The following TSPAN9 variants were observed in gnomAD, a reference collection of about 807,000 sequenced individuals.
The protein encoded by TSPAN9 is tetraspanin-9.
TSPAN9 carries 16 observed loss-of-function variants against 31.0 expected under a neutral mutation model. The ratio of observed to expected loss-of-function variants is 0.52; its 90% CI spans 0.35 to 0.78. The LOEUF is 0.78. Ranked by LOEUF, TSPAN9 falls within the 30% of genes least tolerant of loss-of-function variation. TSPAN9 has a pLI of 0.01. For synonymous variants in TSPAN9, 145 were observed against 121.6 expected (o/e 1.19, Z -1.27); for missense variants, 272 against 312.5 (o/e 0.87, Z 0.98).
At position 3,284,435 on chromosome 12, in the gene TSPAN9, G is replaced by A. The variant is rs1209036095; in HGVS notation, c.*1319G>A. The A allele has an allele frequency of 1.3e-5, 2 of 152,404 alleles. No homozygotes were observed. The highest frequency in any genetic ancestry group is 2.9e-5 in the Non-Finnish European group (2 of 68,068). 9.4% of individuals were successfully genotyped at this position (152,404 alleles called of 1,614,324 possible). A position where few individuals can be genotyped will look rare whatever the true frequency, so the allele number is the denominator to read the frequency against. Reference sequence around the variant, plus strand: ...CAAGATCTTCGCCTCCTTCCCTGGGGCCACGGACATCAGCAGTGGGTTGGG... The same window carrying A: ...CAAGATCTTCGCCTCCTTCCCTGGGACCACGGACATCAGCAGTGGGTTGGG... On this transcript the variant is annotated 3_prime_UTR_variant, in exon 9 of 9. Coordinates refer to ENST00000011898, the MANE Select transcript of TSPAN9 (RefSeq NM_006675.5).
Position 3,107,960 on chromosome 12 carries a change from A to T in TSPAN9, c.-18+24241A>T, listed in dbSNP as rs188391118. 2.5e-4 allele frequency among the ~76,000 whole-genome samples: 38 copies of T among 152,284 alleles called. No individual in the cohort carries two copies. The East Asian group carries it at 4.2e-3, about 17-fold the overall frequency. The stretch of plus-strand genomic sequence containing the variant: ...TTTCAACTCTATTCCTAAACCCAGT[A>T]AGAAACTCCCCAAAACCTCCATACC... On this transcript the variant is annotated intron_variant, in intron 2 of 8. Coordinates refer to ENST00000011898, the MANE Select transcript of TSPAN9 (RefSeq NM_006675.5). This position sits in a 1 kb window ranked among gnomAD's most constrained non-coding sequence, Gnocchi z 4.1.
intron 2 of TSPAN9, among the ~76,000 whole-genome samples, chr12:3,129,074 C>T (rs901995259): frequency 4.6e-5 from 7 of 152,220 alleles, no homozygotes; most frequent in African/African-American, 1.7e-4. Flanking sequence ...CAAGGTTCAT[C>T]CATGCTGTAG....
intron 2 of TSPAN9, among the ~76,000 whole-genome samples, chr12:3,116,124 A>G (rs1170169293): frequency 6.1e-4 from 93 of 152,188 alleles, no homozygotes; most frequent in Non-Finnish European, 1.8e-4. Flanking sequence ...GCATTCTGGG[A>G]AAACAACTTG....
At chr12:3,099,439 G>C (rs148929546) in intron 2 of TSPAN9, among the ~76,000 whole-genome samples, 1 of 152,042 alleles carries the variant, frequency 6.6e-6, no homozygotes, top group African/African-American at 2.4e-5. Context: ...GCTTTGGAGC[G>C]TACTTACAAT....
At chr12:3,135,708 G>A (rs1405065145) in intron 2 of TSPAN9, among the ~76,000 whole-genome samples, 1 of 152,090 alleles carries the variant, frequency 6.6e-6, no homozygotes, top group African/African-American at 2.4e-5. Flanking sequence ...AAGCCCTTTG[G>A]TCTGGGTGGA....
intron 3 of TSPAN9, among the ~76,000 whole-genome samples, chr12:3,207,875 C>T (rs777825347): frequency 1.1e-4 from 16 of 152,284 alleles, no homozygotes; most frequent in South Asian, 2.1e-4. Flanking sequence ...AGTGGATGTT[C>T]GCATCAGCCA....
At chr12:3,081,830 G>GTATATA (rs755307321) in intron 1 of TSPAN9, among the ~76,000 whole-genome samples, 1 of 38,294 alleles carries the variant, frequency 2.6e-5, no homozygotes, top group Non-Finnish European at 4.3e-5. Flanking sequence ...GTGTGTGTGT[G>GTATATA]TGTGTCTGTG....
chr12:3,084,595 A>G (rs1464696076), intron 2 of TSPAN9, among the ~76,000 whole-genome samples: 1 of 152,190 alleles, frequency 6.6e-6, no homozygotes, highest in Non-Finnish European at 1.5e-5. Flanking sequence ...TGCACGTTAT[A>G]CTTAGGATGC....
chr12:3,155,438 G>C (rs2098341740), intron 2 of TSPAN9, among the ~76,000 whole-genome samples: 1 of 152,116 alleles, frequency 6.6e-6, no homozygotes, highest in Non-Finnish European at 1.5e-5. Context: ...TGTTAGAAGA[G>C]ACCATATCTT....
chr12:3,258,340 A>G (rs74054945), intron 3 of TSPAN9, among the ~76,000 whole-genome samples: 9,494 of 152,212 alleles, frequency 0.062, 713 homozygotes, highest in African/African-American at 0.17. Flanking sequence ...CTGTGGGTCT[A>G]AGACATGTCC....
chr12:3,189,008 C>T (rs556164141), intron 2 of TSPAN9, among the ~76,000 whole-genome samples: 6 of 152,250 alleles, frequency 3.9e-5, no homozygotes, highest in South Asian at 2.1e-4. Context: ...CAGAGGAGCG[C>T]GGGTGAGCTC....
chr12:3,278,389 C>T (rs651243), intron 3 of TSPAN9, 32 bp from the exon 4 acceptor site: 632,577 of 1,610,184 alleles, frequency 0.39, 125,814 homozygotes, highest in Middle Eastern at 0.53. Flanking sequence ...GTGAGAGCAG[C>T]GCCAGGCTAA....
At chr12:3,244,406 C>T (rs2098398246) in intron 3 of TSPAN9, among the ~76,000 whole-genome samples, 1 of 152,236 alleles carries the variant, frequency 6.6e-6, no homozygotes, top group Admixed American at 6.5e-5. Context: ...CGCTCCACCC[C>T]AGCCGGAAGG....
At chr12:3,141,450 T>A (rs1426351271) in intron 2 of TSPAN9, among the ~76,000 whole-genome samples, 2 of 152,118 alleles carry the variant, frequency 1.3e-5, no homozygotes, top group Admixed American at 1.3e-4. Flanking sequence ...CAGCTCACCT[T>A]CCTCCTGCCC....
At chr12:3,253,390 C>T (rs1303572172) in intron 3 of TSPAN9, among the ~76,000 whole-genome samples, 2 of 152,154 alleles carry the variant, frequency 1.3e-5, no homozygotes, top group African/African-American at 2.4e-5. Flanking sequence ...CTGCCTAGCT[C>T]TCACCCTGGT....
chr12:3,230,980 G>C (rs1274959401), intron 3 of TSPAN9, among the ~76,000 whole-genome samples: 1 of 152,164 alleles, frequency 6.6e-6, no homozygotes, highest in African/African-American at 2.4e-5. Context: ...GGGCGGGGGT[G>C]TATGCTATAA....
intron 2 of TSPAN9, among the ~76,000 whole-genome samples, chr12:3,186,636 TA>T (rs891607271): frequency 6.6e-6 from 1 of 151,612 alleles, no homozygotes; most frequent in African/African-American, 2.4e-5. Context: ...GAGAAGGCAT[TA>T]GGGGGTTTTG....
chr12:3,139,858 T>G (rs2098333926), intron 2 of TSPAN9, among the ~76,000 whole-genome samples: 1 of 152,114 alleles, frequency 6.6e-6, no homozygotes, highest in Non-Finnish European at 1.5e-5. Context: ...TCAGATAGCT[T>G]TTATGTTCCT....
chr12:3,192,899 A>G lies in TSPAN9; in HGVS notation c.-17-8278A>G, dbSNP rs1347243424. On this transcript the variant is annotated intron_variant, in intron 2 of 8. Transcript: ENST00000011898. This position sits in a 1 kb window ranked among gnomAD's most constrained non-coding sequence, Gnocchi z 4.6. The stretch of plus-strand genomic sequence containing the variant: ...CTGTTCAGCTACACTGTAGCTAGAC[A>G]GGAGCTGGTTCCATGTTGACTATAA... 6.6e-6 allele frequency among the ~76,000 whole-genome samples: 1 copy of G among 152,222 alleles called. No homozygotes were observed. Among genetic ancestry groups the G allele is most frequent in the African/African-American group, 2.4e-5 (1 of 41,458 alleles).
Sources: allele counts gnomAD v4.1 joint callset (sites outside exome capture counted in the v4.1 genomes callset), GRCh38; gene constraint gnomAD v4.1.1; non-coding constraint Gnocchi (gnomAD v3.1); transcripts MANE v1.5; gene names NCBI Gene and HGNC (gene_info 2026-07-23, HGNC 2026-07-21).